Variants in TRAPPC8 observed in about 807,000 individuals in gnomAD.
The protein encoded by TRAPPC8 is trafficking protein particle complex subunit 8.
TRAPPC8 carries 54 observed loss-of-function variants against 174.3 expected under a neutral mutation model. The observed-to-expected ratio is 0.31, with a 90% CI of 0.25 to 0.39. The LOEUF (loss-of-function observed/expected upper bound fraction) is 0.39. TRAPPC8 is among the 10% of genes least tolerant of loss of function. The pLI is 1.00. For synonymous variants in TRAPPC8, 630 were observed against 579.9 expected (o/e 1.09, Z -1.24); for missense variants, 1,531 against 1,699.1 (o/e 0.90, Z 1.74).
At chr18:31,925,291 A>G (rs764130852) in intron 2 of TRAPPC8, among the ~76,000 whole-genome samples, 1 of 152,102 alleles carries the variant, frequency 6.6e-6, no homozygotes, top group Non-Finnish European at 1.5e-5. Context: ...GCCAACAACA[A>G]TTTATTACTA....
intron 27 of TRAPPC8, among the ~76,000 whole-genome samples, chr18:31,836,831 G>A (rs1407141389): frequency 1.3e-5 from 2 of 148,310 alleles, no homozygotes; most frequent in South Asian, 2.1e-4. Context: ...GCACGATCTC[G>A]GCTCACTGCA....
intron 14 of TRAPPC8, 67 bp downstream of exon 14, chr18:31,873,363 G>T: frequency 1.5e-6 from 2 of 1,301,212 alleles, no homozygotes; most frequent in Non-Finnish European, 2.2e-6. Flanking sequence ...TTTTTTAAAT[G>T]GAGAAAGGAA....
chr18:31,890,489 G>C (rs1422184075), intron 12 of TRAPPC8, among the ~76,000 whole-genome samples: 1 of 151,976 alleles, frequency 6.6e-6, no homozygotes, highest in African/African-American at 2.4e-5. Context: ...CCAAAATTTG[G>C]ATAAAATTAC....
intron 1 of TRAPPC8, chr18:31,939,847 G>A (rs1167455450): frequency 1.3e-5 from 2 of 152,190 alleles, no homozygotes; most frequent in Non-Finnish European, 2.9e-5. Flanking sequence ...CTCCCAGCGT[G>A]GGTAACAGAG....
chr18:31,898,098 C>T (rs1042348999), intron 10 of TRAPPC8, among the ~76,000 whole-genome samples: 1 of 152,028 alleles, frequency 6.6e-6, no homozygotes, highest in African/African-American at 2.4e-5. Context: ...CATACACATC[C>T]TCTTATATAA....
chr18:31,872,100 A>T (rs972057970), intron 14 of TRAPPC8, among the ~76,000 whole-genome samples: 1 of 152,078 alleles, frequency 6.6e-6, no homozygotes. Context: ...TTGTACCCAT[A>T]AGTAATTTCT....
At chr18:31,928,685 T>C (rs2037728872) in intron 2 of TRAPPC8, among the ~76,000 whole-genome samples, 1 of 152,204 alleles carries the variant, frequency 6.6e-6, no homozygotes, top group Admixed American at 6.5e-5. Flanking sequence ...TAACGTATTA[T>C]AAATTAGACC....
In TRAPPC8 at chr18:31,835,660, C is replaced by T. The variant is rs145813199; in HGVS notation, c.3984-3487G>A. Among the ~76,000 whole-genome samples, 85 of 152,326 alleles carry T rather than the reference C, an allele frequency of 5.6e-4. No homozygotes were observed. The East Asian group carries it at 0.015, about 26-fold the overall frequency. ...TGAGTTTTACACAGACACCCAGTCA[C>T]TTGATCCTTCATTTCAATGGTTCTC... On this transcript the variant is annotated intron_variant, in intron 27 of 28. Coordinates refer to ENST00000283351, the MANE Select transcript of TRAPPC8 (RefSeq NM_014939.5).
In TRAPPC8 at chr18:31,857,750, G is replaced by A. The variant is rs763644361; in HGVS notation, c.2978C>T (p.Thr993Ile). 31 of 1,613,968 alleles carry A rather than the reference G, an allele frequency of 1.9e-5. No individual in the cohort carries two copies. Among genetic ancestry groups the A allele is most frequent in the Admixed American group, 5.0e-5 (3 of 60,004 alleles). Residue 993 changes from threonine to isoleucine, a missense_variant, in exon 20 of 29, where the codon ACA becomes ATA. Physicochemically the swap from Thr to Ile is moderately conservative, Grantham distance 89. Transcript: ENST00000283351. ...TVVTDATSVC[T>I]ALISSASSVD... is the part of the protein sequence containing the mutation. The stretch of plus-strand genomic sequence containing the variant: ...AGAAGAAGCTGATGATATGAGTGCT[G>A]TACACACAGAGGTAGCATCTGTCAC...
At chr18:31,877,923 CAAAA>C (rs147914322) in intron 12 of TRAPPC8, among the ~76,000 whole-genome samples, 2 of 74,626 alleles carry the variant, frequency 2.7e-5, no homozygotes, top group Admixed American at 1.5e-4. Flanking sequence ...AACTCTGTCT[CAAAA>C]AAAAAAAAAA....
intron 12 of TRAPPC8, among the ~76,000 whole-genome samples, chr18:31,877,360 C>G (rs542092564): frequency 1.4e-4 from 22 of 152,214 alleles, no homozygotes; most frequent in Admixed American, 1.3e-4. Context: ...CACCTGTAAT[C>G]CCAGCACTTT....
At chr18:31,878,675 G>T (rs914182233) in intron 12 of TRAPPC8, among the ~76,000 whole-genome samples, 1 of 152,008 alleles carries the variant, frequency 6.6e-6, no homozygotes, top group Non-Finnish European at 1.5e-5. Flanking sequence ...AACAAAAATA[G>T]CTTAATTGTT....
intron 27 of TRAPPC8, among the ~76,000 whole-genome samples, chr18:31,837,984 A>AG (rs201577277): frequency 3.2e-4 from 48 of 150,978 alleles, no homozygotes; most frequent in Middle Eastern, 3.4e-3. Context: ...AAAAAAAAAA[A>AG]AGAGAGACAG....
chr18:31,908,457 T>G, intron 7 of TRAPPC8, 39 bp from the exon 8 acceptor site: 3 of 1,345,838 alleles, frequency 2.2e-6, no homozygotes, highest in Non-Finnish European at 3.0e-6. Flanking sequence ...AAACAAAGAA[T>G]TTAGTATTTT....
intron 4 of TRAPPC8, 151 bp downstream of exon 4, chr18:31,916,120 TA>T: frequency 2.0e-6 from 1 of 512,692 alleles, no homozygotes; most frequent in Non-Finnish European, 3.1e-6. Flanking sequence ...AATGCCAGGA[TA>T]AAACATAAAG....
chr18:31,938,674 G>A (rs2038203276), intron 1 of TRAPPC8, among the ~76,000 whole-genome samples: 1 of 152,186 alleles, frequency 6.6e-6, no homozygotes. Context: ...GCCAGAAATT[G>A]AGTCTTCTTT....
At chr18:31,865,843 CTT>C (rs897809575) in intron 18 of TRAPPC8, among the ~76,000 whole-genome samples, 3 of 151,084 alleles carry the variant, frequency 2.0e-5, no homozygotes, top group African/African-American at 7.3e-5. Flanking sequence ...TATAAATAAA[CTT>C]TGTCTGGTTC....
intron 27 of TRAPPC8, among the ~76,000 whole-genome samples, chr18:31,834,352 C>T (rs1254533476): frequency 1.3e-5 from 2 of 152,086 alleles, no homozygotes; most frequent in South Asian, 2.1e-4. Flanking sequence ...TCAGGAGATC[C>T]GCCCGCCTTG....
In TRAPPC8 at chr18:31,913,538, G is replaced by A. The variant is rs562632504; in HGVS notation, c.618-16C>T. 1.3e-6 allele frequency: 2 copies of A among 1,553,774 alleles called. No individual in the cohort carries two copies. Among genetic ancestry groups the A allele is most frequent in the African/African-American group, 1.4e-5 (1 of 72,170 alleles). On this transcript the variant is annotated splice_polypyrimidine_tract_variant and intron_variant, in intron 4 of 28. Transcript: ENST00000283351. ...TGATTCAGCTCTAAAACAGAAAATG[G>A]AAAAAAATCTGAAGTAAAAGAGGAG...
Sources: gnomAD v4.1 joint callset for allele counts (sites outside exome capture counted in the v4.1 genomes callset) on GRCh38, gnomAD v4.1.1 for gene constraint, MANE v1.5 for transcripts, NCBI Gene and HGNC (gene_info 2026-07-23, HGNC 2026-07-21) for gene names.